SWT1: variants seen among roughly 807,000 people sequenced by gnomAD.
SWT1 encodes transcriptional protein SWT1.
SWT1 carries 33 observed loss-of-function variants against 107.3 expected under a neutral mutation model. That is an observed-to-expected ratio of 0.31 (90% CI 0.23 to 0.41). The LOEUF is 0.41. Among genes scored for constraint, SWT1 ranks in the 10% least tolerant of loss-of-function variants. SWT1 has a pLI of 1.00. For synonymous variants in SWT1, 345 were observed against 348.3 expected, an observed-to-expected ratio of 0.99 and a Z score of 0.11; for missense variants, 898 against 1,028.9, an observed-to-expected ratio of 0.87 and a Z score of 1.74.
intron 13 of SWT1, among the ~76,000 whole-genome samples, chr1:185,213,279 G>C (rs1658970044): frequency 6.6e-6 from 1 of 152,172 alleles, no homozygotes; most frequent in Non-Finnish European, 1.5e-5. Context: ...CACATCTACA[G>C]TCTGTCCTGT....
intron 16 of SWT1, among the ~76,000 whole-genome samples, chr1:185,262,014 C>T (rs779861353): frequency 1.3e-5 from 2 of 151,988 alleles, no homozygotes; most frequent in African/African-American, 2.4e-5. Context: ...TGGGAGGATA[C>T]GATCTTTTGT....
chr1:185,263,199 T>C (rs568873459), intron 16 of SWT1: 5 of 152,308 alleles, frequency 3.3e-5, no homozygotes, highest in East Asian at 1.9e-4. Flanking sequence ...TATATCCACA[T>C]TCTGCAGTAC....
intron 18 of SWT1, among the ~76,000 whole-genome samples, chr1:185,289,290 T>G (rs1288006632): frequency 6.6e-6 from 1 of 152,212 alleles, no homozygotes; most frequent in South Asian, 2.1e-4. Context: ...AAGACAACCT[T>G]GGTGTGATTC....
chr1:185,248,109 A>G (rs1172168988), intron 16 of SWT1, among the ~76,000 whole-genome samples: 1 of 152,242 alleles, frequency 6.6e-6, no homozygotes, highest in Non-Finnish European at 1.5e-5. Context: ...ATTGCTTGGA[A>G]GCAGTTGTGA....
intron 5 of SWT1, among the ~76,000 whole-genome samples, chr1:185,178,405 T>G (rs1364832113): frequency 6.6e-6 from 1 of 152,218 alleles, no homozygotes; most frequent in Non-Finnish European, 1.5e-5. Flanking sequence ...AGAGAGCCAC[T>G]GAACCACAGT....
intron 15 of SWT1, among the ~76,000 whole-genome samples, chr1:185,223,139 A>G (rs1431177503): frequency 6.6e-6 from 1 of 152,174 alleles, no homozygotes; most frequent in Admixed American, 6.5e-5. Context: ...ATTTTACATA[A>G]TGGCACCACT....
chr1:185,185,092 G>C (rs1418165247), intron 9 of SWT1, among the ~76,000 whole-genome samples, 161 bp downstream of exon 9: 1 of 152,174 alleles, frequency 6.6e-6, no homozygotes, highest in African/African-American at 2.4e-5. Context: ...AGGAGTCTTT[G>C]ACTTTTATTT....
chr1:185,211,757 A>T lies in SWT1; in HGVS notation c.1973-2750A>T, dbSNP rs1010185284. On this transcript the variant is annotated intron_variant, in intron 13 of 18. Transcript: ENST00000367500. Reference sequence around the variant, plus strand: ...TGCTGCTATAAAGACACATGCACACATATGTTTATTGTGGCACTATTCACA... The same window carrying T: ...TGCTGCTATAAAGACACATGCACACTTATGTTTATTGTGGCACTATTCACA... 2.0e-5 allele frequency among the ~76,000 whole-genome samples: 3 copies of T among 152,142 alleles called. No individual in the cohort carries two copies. The East Asian group carries it at 5.8e-4, about 29-fold the overall frequency.
chr1:185,279,633 T>A lies in SWT1; in HGVS notation c.2573+2965T>A, dbSNP rs1447671064. On this transcript the variant is annotated intron_variant, in intron 18 of 18. Transcript: ENST00000367500. Reference sequence around the variant, plus strand: ...TGAAATTATTTGCCAATATTTAGAGTACACAGTATCTTCCATATTTGTCTC... The same window carrying A: ...TGAAATTATTTGCCAATATTTAGAGAACACAGTATCTTCCATATTTGTCTC... Among the ~76,000 whole-genome samples the A allele has an allele frequency of 2.0e-5, 3 of 151,774 alleles. No individual in the cohort carries two copies. The East Asian group carries it at 5.8e-4, about 29-fold the overall frequency.
chr1:185,258,634 A>G (rs1027076356), intron 16 of SWT1, among the ~76,000 whole-genome samples: 11 of 152,066 alleles, frequency 7.2e-5, no homozygotes, highest in African/African-American at 2.4e-4. Context: ...TTGAAAATAT[A>G]ATTTTATTAT....
chr1:185,231,287 A>G (rs1177303613), intron 15 of SWT1, among the ~76,000 whole-genome samples: 2 of 152,186 alleles, frequency 1.3e-5, no homozygotes, highest in African/African-American at 4.8e-5. Context: ...GATGGATAGC[A>G]TTACTTCTCC....
intron 16 of SWT1, among the ~76,000 whole-genome samples, chr1:185,243,364 C>T (rs2102616195): frequency 6.6e-6 from 1 of 152,292 alleles, no homozygotes; most frequent in East Asian, 1.9e-4. Flanking sequence ...TCTTCTTCAG[C>T]TTCCCAAATT....
intron 10 of SWT1, among the ~76,000 whole-genome samples, 154 bp downstream of exon 10, chr1:185,190,796 ATGTG>A (rs1324997137): frequency 2.6e-5 from 4 of 152,208 alleles, no homozygotes; most frequent in Admixed American, 6.5e-5. Flanking sequence ...CAGTCTTATA[ATGTG>A]TGAGCACTAG....
intron 16 of SWT1, among the ~76,000 whole-genome samples, chr1:185,265,842 A>C (rs1663334163): frequency 6.6e-6 from 1 of 152,178 alleles, no homozygotes; most frequent in Non-Finnish European, 1.5e-5. Context: ...GCTATAGAGA[A>C]TATAAAAGTG....
chr1:185,199,745 T>C (rs1328400753), intron 10 of SWT1, among the ~76,000 whole-genome samples: 1 of 152,114 alleles, frequency 6.6e-6, no homozygotes, highest in Non-Finnish European at 1.5e-5. Flanking sequence ...TCTTGAGGAG[T>C]ATCTTTGTGG....
chr1:185,201,131 C>T (rs893399489), intron 10 of SWT1, among the ~76,000 whole-genome samples: 13 of 152,118 alleles, frequency 8.5e-5, no homozygotes, highest in Admixed American at 7.2e-4. Flanking sequence ...AGGTTGACTT[C>T]AGACTGCTGT....
chr1:185,176,103 A>G (rs925508305), intron 5 of SWT1, among the ~76,000 whole-genome samples: 1 of 152,038 alleles, frequency 6.6e-6, no homozygotes, highest in Non-Finnish European at 1.5e-5. Flanking sequence ...CAGCCTGGGC[A>G]ACATACCGAG....
At chr1:185,165,486 G>C (rs1440547598) in intron 2 of SWT1, among the ~76,000 whole-genome samples, 1 of 152,154 alleles carries the variant, frequency 6.6e-6, no homozygotes, top group African/African-American at 2.4e-5. Flanking sequence ...CTATGTCCAT[G>C]ATCCAAGCAC....
chr1:185,202,738 C>T lies in SWT1; in HGVS notation c.1608C>T (p.His536=), dbSNP rs573321912. 1.7e-5 allele frequency: 27 copies of T among 1,600,542 alleles called. No individual in the cohort carries two copies. In the East Asian group the frequency reaches 5.2e-4, roughly 31 times the overall value. Reference sequence around the variant, plus strand: ...AAGAATTGAGTGCAGAGTTATTACACTTATCTCTGAACACAGATGTGTGTC... The same window carrying T: ...AAGAATTGAGTGCAGAGTTATTACATTTATCTCTGAACACAGATGTGTGTC... ...SKEELSAELL[H]LSLNTDVCHQ... Residue 536 remains histidine, a synonymous_variant, in exon 11 of 19, where the codon CAC becomes CAT. Transcript: ENST00000367500.
Sources: allele counts gnomAD v4.1 joint callset (sites outside exome capture counted in the v4.1 genomes callset), GRCh38; gene constraint gnomAD v4.1.1; transcripts MANE v1.5; gene names NCBI Gene and HGNC (gene_info 2026-07-23, HGNC 2026-07-21).